The following AMBRA1 variants were observed in gnomAD, a reference collection of about 807,000 sequenced individuals.
AMBRA1 encodes the protein autophagy and beclin 1 regulator 1.
AMBRA1 carries 47 observed loss-of-function variants against 125.4 expected under a neutral mutation model. The ratio of observed to expected loss-of-function variants is 0.37; its 90% CI spans 0.30 to 0.48. The LOEUF is 0.48. Ranked by LOEUF, AMBRA1 falls within the 20% of genes least tolerant of loss-of-function variation. AMBRA1 has a pLI of 0.99. For missense variants in AMBRA1, 1,331 were observed against 1,693.4 expected (o/e 0.79, Z 3.76); for synonymous variants, 626 against 655.5 (o/e 0.95, Z 0.69).
At chr11:46,540,641 T>C (rs1952691196) in intron 7 of AMBRA1, among the ~76,000 whole-genome samples, 1 of 152,166 alleles carries the variant, frequency 6.6e-6, no homozygotes, top group Non-Finnish European at 1.5e-5. Context: ...CATGTGCTGT[T>C]TCCCTAAAAT....
At chr11:46,513,787 T>C (rs898605914) in intron 7 of AMBRA1, among the ~76,000 whole-genome samples, 7 of 152,294 alleles carry the variant, frequency 4.6e-5, no homozygotes, top group South Asian at 4.1e-4. Flanking sequence ...AGCTAGAATA[T>C]AGGCTCAGTA....
intron 9 of AMBRA1, among the ~76,000 whole-genome samples, chr11:46,507,945 A>G (rs559689092): frequency 6.6e-6 from 1 of 152,300 alleles, no homozygotes; most frequent in African/African-American, 2.4e-5. Context: ...TCCTCTCGCA[A>G]TCTGGCCTGG....
At position 46,478,006 on chromosome 11, in the gene AMBRA1, GGTTA is replaced by G. The variant is rs776895859; in HGVS notation, c.2521+15598_2521+15601del. 3.9e-5 allele frequency among the ~76,000 whole-genome samples: 6 copies of G among 151,978 alleles called. No individual in the cohort carries two copies. The South Asian group carries it at 6.2e-4, about 16-fold the overall frequency. ...CTGAGACACTATGTGAAGAAGCACAGGTTAGTTTACTGGTGAATGAAAAAAAAAA... is the reference window on the plus strand; with the variant it reads ...CTGAGACACTATGTGAAGAAGCACAGGTTTACTGGTGAATGAAAAAAAAAA... On this transcript the variant is annotated intron_variant, in intron 11 of 17. Coordinates refer to ENST00000683756, the MANE Select transcript of AMBRA1 (RefSeq NM_001387011.1).
chr11:46,549,701 T>C (rs1284777141), intron 1 of AMBRA1, among the ~76,000 whole-genome samples: 1 of 152,222 alleles, frequency 6.6e-6, no homozygotes, highest in Non-Finnish European at 1.5e-5. Context: ...CAGACTCTAA[T>C]CAAAACTCAA....
intron 14 of AMBRA1, among the ~76,000 whole-genome samples, chr11:46,419,105 G>A (rs140176287): frequency 3.9e-5 from 6 of 152,194 alleles, no homozygotes; most frequent in South Asian, 2.1e-4. Context: ...TGGAGGGAGC[G>A]GAGCAGAGGG....
intron 15 of AMBRA1, among the ~76,000 whole-genome samples, chr11:46,412,711 T>C (rs1458471474): frequency 2.0e-5 from 3 of 152,212 alleles, no homozygotes; most frequent in Non-Finnish European, 4.4e-5. Context: ...CTTCCTCTTC[T>C]AAACAGCCAT....
At chr11:46,423,449 T>C (rs1946947385) in intron 14 of AMBRA1, among the ~76,000 whole-genome samples, 2 of 152,158 alleles carry the variant, frequency 1.3e-5, no homozygotes, top group African/African-American at 4.8e-5. Context: ...TGGAGTGCAG[T>C]GGTGCGATCT....
At chr11:46,535,497 G>T (rs1952428122) in intron 7 of AMBRA1, among the ~76,000 whole-genome samples, 1 of 152,098 alleles carries the variant, frequency 6.6e-6, no homozygotes, top group Non-Finnish European at 1.5e-5. Context: ...TTTAATGAAT[G>T]CCTTCCACAG....
chr11:46,542,943 C>T lies in AMBRA1; in HGVS notation c.1074G>A (p.Thr358=), dbSNP rs370888636. ...PFHPPEQASS[T]QQDQGLLNRP... Reference sequence around the variant, plus strand: ...GGTTCAGGAGGCCCTGGTCCTGCTGCGTTGACGAGGCCTGCTCCGGGGGAT... The same window carrying T: ...GGTTCAGGAGGCCCTGGTCCTGCTGTGTTGACGAGGCCTGCTCCGGGGGAT... Residue 358 remains threonine (T), a synonymous_variant, in exon 7 of 18, where the codon ACG becomes ACA. Transcript: ENST00000683756. This position sits in a 1 kb window ranked among gnomAD's most constrained non-coding sequence, Gnocchi z 5.9. 48 of 1,608,720 alleles carry T rather than the reference C, an allele frequency of 3.0e-5. No individual in the cohort carries two copies. Among genetic ancestry groups the T allele is most frequent in the South Asian group, 8.8e-5 (8 of 91,076 alleles).
In AMBRA1 at chr11:46,501,401, C is replaced by T. The variant is rs978888416; in HGVS notation, c.2339+6790G>A. 1.3e-5 allele frequency among the ~76,000 whole-genome samples: 2 copies of T among 152,212 alleles called. 1 individual carries two copies. The highest frequency in any genetic ancestry group is 1.3e-4 in the Admixed American group (2 of 15,280). On this transcript the variant is annotated intron_variant, in intron 9 of 17. Transcript: ENST00000683756. ...TGACGGAATGGCATCCTGTCCAGGG[C>T]AGGTTCTCCCTGTGCACCCTGAGCT...
intron 1 of AMBRA1, among the ~76,000 whole-genome samples, chr11:46,568,302 A>G (rs1036092209): frequency 2.6e-5 from 4 of 152,106 alleles, no homozygotes; most frequent in African/African-American, 9.7e-5. Context: ...TACTAAAAAT[A>G]CAAAAATTAG....
In AMBRA1 at chr11:46,513,072, G is replaced by T. The variant is rs191113167; in HGVS notation, c.2073-259C>A. On this transcript the variant is annotated intron_variant, in intron 7 of 17. Coordinates refer to ENST00000683756, the MANE Select transcript of AMBRA1 (RefSeq NM_001387011.1). ...ATGAGAAATGAACAAGTGCTTCAGA[G>T]ACATGATCTTCTTTCTATTTGCAGT... Among the ~76,000 whole-genome samples the T allele has an allele frequency of 3.3e-5, 5 of 152,290 alleles. No individual in the cohort carries two copies. The East Asian group carries it at 9.6e-4, about 29-fold the overall frequency.
At chr11:46,448,279 A>G (rs1948408651) in intron 11 of AMBRA1, among the ~76,000 whole-genome samples, 1 of 152,250 alleles carries the variant, frequency 6.6e-6, no homozygotes, top group African/African-American at 2.4e-5. Flanking sequence ...CAAGAGAACT[A>G]AACTAGAAAT....
rs186156474 is a variant in AMBRA1 at position 46,442,773 on chromosome 11, T to A, written c.2632+715A>T. ...CAGACATAGAATATCTTAATTATTT[T>A]AAGGCAACTGGCAAAGTCTTATAAT... On this transcript the variant is annotated intron_variant, in intron 12 of 17. Coordinates refer to ENST00000683756, the MANE Select transcript of AMBRA1 (RefSeq NM_001387011.1). 2.6e-5 allele frequency among the ~76,000 whole-genome samples: 4 copies of A among 152,332 alleles called. No individual in the cohort carries two copies. In the South Asian group the frequency reaches 8.3e-4, roughly 32 times the overall value.
At chr11:46,569,473 A>C (rs184853345) in intron 1 of AMBRA1, among the ~76,000 whole-genome samples, 1 of 148,560 alleles carries the variant, frequency 6.7e-6, no homozygotes, top group East Asian at 2.0e-4. Context: ...ATAAAGTGCC[A>C]AGCAAGATGG....
chr11:46,424,098 C>T (rs531399943), intron 14 of AMBRA1, among the ~76,000 whole-genome samples: 10 of 152,072 alleles, frequency 6.6e-5, no homozygotes, highest in Non-Finnish European at 1.5e-4. Context: ...ATTTAAAAAC[C>T]CAAATCACAG....
At chr11:46,531,625 A>G (rs1952220903) in intron 7 of AMBRA1, among the ~76,000 whole-genome samples, 1 of 151,872 alleles carries the variant, frequency 6.6e-6, no homozygotes, top group South Asian at 2.1e-4. Flanking sequence ...CAAGAGAATC[A>G]CTTGAATTCG....
chr11:46,414,220 G>A (rs1189321800), intron 15 of AMBRA1, among the ~76,000 whole-genome samples: 1 of 152,210 alleles, frequency 6.6e-6, no homozygotes, highest in Non-Finnish European at 1.5e-5. Flanking sequence ...CACGACGGGA[G>A]AGGATCAGAC....
At chr11:46,582,519 C>A (rs1012711890) in intron 1 of AMBRA1, among the ~76,000 whole-genome samples, 1 of 152,200 alleles carries the variant, frequency 6.6e-6, no homozygotes, top group African/African-American at 2.4e-5. Context: ...TATTTTTCCA[C>A]TCTAGTCTCA....
Sources: allele counts gnomAD v4.1 joint callset (sites outside exome capture counted in the v4.1 genomes callset), GRCh38; gene constraint gnomAD v4.1.1; non-coding constraint Gnocchi (gnomAD v3.1); transcripts MANE v1.5; gene names NCBI Gene and HGNC (gene_info 2026-07-23, HGNC 2026-07-21).